FBXW7: variants seen among roughly 807,000 people sequenced by gnomAD.
The protein encoded by FBXW7 is F-box and WD repeat domain containing 7, also known as F-box/WD repeat-containing protein 7.
Under a neutral mutation model 86.3 loss-of-function variants are expected in FBXW7, and 11 were observed. The ratio of observed to expected loss-of-function variants is 0.13; its 90% CI spans 0.08 to 0.21. The LOEUF is 0.21. Ranked by LOEUF, FBXW7 falls within the 10% of genes least tolerant of loss-of-function variation. The probability of loss-of-function intolerance (pLI) is 1.00; values close to 1 mark genes in which losing one functional copy is unlikely to be tolerated. For synonymous variants in FBXW7, 313 were observed against 297.9 expected (o/e 1.05, Z -0.52); for missense variants, 488 against 847.4 (o/e 0.58, Z 5.27).
At position 152,387,658 on chromosome 4, in the gene FBXW7, A is replaced by C. The variant is rs183520782; in HGVS notation, c.501+23645T>G. Among the ~76,000 whole-genome samples, 35 of 150,728 alleles carry C rather than the reference A, an allele frequency of 2.3e-4. No individual in the cohort carries two copies. The East Asian group carries it at 6.8e-3, about 29-fold the overall frequency. On this transcript the variant is annotated intron_variant, in intron 4 of 13. Transcript: ENST00000281708. ...AAGCAACATATTACTTTAAATGCAG[A>C]AACATAAATACAATTAGATTGGGCA...
At chr4:152,382,165 A>G (rs755006477) in intron 4 of FBXW7, 7 of 1,496,708 alleles carry the variant, frequency 4.7e-6, no homozygotes, top group Non-Finnish European at 6.3e-6. Context: ...AAACATTCAT[A>G]TTTTTCAAAT....
intron 4 of FBXW7, among the ~76,000 whole-genome samples, chr4:152,403,638 C>T (rs1737143936): frequency 6.6e-6 from 1 of 152,098 alleles, no homozygotes; most frequent in South Asian, 2.1e-4. Flanking sequence ...ATTAGACTCT[C>T]GGAAGGAGCA....
intron 2 of FBXW7, among the ~76,000 whole-genome samples, chr4:152,479,033 T>C (rs1744651552): frequency 1.3e-5 from 2 of 152,064 alleles, no homozygotes; most frequent in South Asian, 4.1e-4. Flanking sequence ...AGCAGTAATC[T>C]AATAAACGAT....
chr4:152,427,464 G>C (rs940371452), intron 2 of FBXW7, among the ~76,000 whole-genome samples: 2 of 152,104 alleles, frequency 1.3e-5, no homozygotes, highest in Non-Finnish European at 2.9e-5. Flanking sequence ...AGATAACCTG[G>C]GAGTGTTAAG....
At chr4:152,495,703 C>G (rs1388354775) in intron 2 of FBXW7, among the ~76,000 whole-genome samples, 1 of 152,124 alleles carries the variant, frequency 6.6e-6, no homozygotes, top group South Asian at 2.1e-4. Flanking sequence ...CTACTCCATA[C>G]ATTAACACAC....
chr4:152,527,206 A>C (rs986000084), intron 2 of FBXW7, among the ~76,000 whole-genome samples: 2 of 152,256 alleles, frequency 1.3e-5, no homozygotes, highest in African/African-American at 4.8e-5. Flanking sequence ...AAGGATAATA[A>C]ATAGCTTGTC....
chr4:152,424,904 T>A (rs1189637792), intron 2 of FBXW7, among the ~76,000 whole-genome samples: 1 of 152,230 alleles, frequency 6.6e-6, no homozygotes, highest in Non-Finnish European at 1.5e-5. Flanking sequence ...GCTTTGCAGA[T>A]CACTGGCTCT....
At chr4:152,462,450 C>T (rs565295739) in intron 2 of FBXW7, among the ~76,000 whole-genome samples, 3 of 152,294 alleles carry the variant, frequency 2.0e-5, no homozygotes, top group African/African-American at 7.2e-5. Flanking sequence ...TGTATAGTTT[C>T]GTGATTAGCC....
intron 2 of FBXW7, among the ~76,000 whole-genome samples, chr4:152,532,661 C>T (rs1013254382): frequency 5.9e-5 from 9 of 152,178 alleles, no homozygotes; most frequent in South Asian, 2.1e-4. Flanking sequence ...TATATGTACA[C>T]GTCCAAAAGC....
At chr4:152,458,116 T>A (rs566481310) in intron 2 of FBXW7, among the ~76,000 whole-genome samples, 1 of 152,108 alleles carries the variant, frequency 6.6e-6, no homozygotes, top group Non-Finnish European at 1.5e-5. Flanking sequence ...GCCTCCCGGG[T>A]TCAAGAGATT....
At chr4:152,500,849 TTC>T (rs1746878185) in intron 2 of FBXW7, among the ~76,000 whole-genome samples, 1 of 152,222 alleles carries the variant, frequency 6.6e-6, no homozygotes, top group South Asian at 2.1e-4. Flanking sequence ...TAAATTGCAA[TTC>T]TGTTTCCTCA....
At chr4:152,521,520 A>G (rs1749009187) in intron 2 of FBXW7, among the ~76,000 whole-genome samples, 1 of 152,232 alleles carries the variant, frequency 6.6e-6, no homozygotes, top group South Asian at 2.1e-4. Context: ...GAACCACAAC[A>G]TACAGAAAAT....
chr4:152,482,693 G>C (rs1379652910), intron 2 of FBXW7, among the ~76,000 whole-genome samples: 4 of 152,056 alleles, frequency 2.6e-5, no homozygotes, highest in African/African-American at 4.8e-5. Context: ...AGAACAGGGT[G>C]GGGGGAGAGA....
chr4:152,521,294 TAGG>T (rs892520118), intron 2 of FBXW7, among the ~76,000 whole-genome samples: 1 of 152,082 alleles, frequency 6.6e-6, no homozygotes, highest in African/African-American at 2.4e-5. Flanking sequence ...ACACACTTCC[TAGG>T]AGATCAATAT....
chr4:152,329,386 A>G (rs1250431630), intron 10 of FBXW7, among the ~76,000 whole-genome samples: 1 of 151,982 alleles, frequency 6.6e-6, no homozygotes, highest in Non-Finnish European at 1.5e-5. Flanking sequence ...AATTGAGCCA[A>G]GAAAAACATA....
intron 4 of FBXW7, among the ~76,000 whole-genome samples, chr4:152,400,932 C>T (rs1448956347): frequency 2.6e-5 from 4 of 152,088 alleles, no homozygotes; most frequent in African/African-American, 9.7e-5. Flanking sequence ...GGGAAGTAAG[C>T]ACAGGAAAAG....
chr4:152,468,034 G>A (rs1743616446), intron 2 of FBXW7, among the ~76,000 whole-genome samples: 1 of 151,662 alleles, frequency 6.6e-6, no homozygotes, highest in African/African-American at 2.4e-5. Flanking sequence ...AAGATATATG[G>A]TCAATAAGCA....
chr4:152,475,373 G>C (rs765931924), intron 2 of FBXW7, among the ~76,000 whole-genome samples: 2 of 152,170 alleles, frequency 1.3e-5, no homozygotes, highest in Non-Finnish European at 2.9e-5. Flanking sequence ...GCTGCAGTGA[G>C]CTTTGATCAT....
intron 4 of FBXW7, among the ~76,000 whole-genome samples, chr4:152,403,579 A>AG (rs1401889200): frequency 6.6e-6 from 1 of 151,996 alleles, no homozygotes; most frequent in Non-Finnish European, 1.5e-5. Flanking sequence ...GGACAGGGGA[A>AG]GTGGGGGGAT....
Sources: allele counts gnomAD v4.1 joint callset (sites outside exome capture counted in the v4.1 genomes callset), GRCh38; gene constraint gnomAD v4.1.1; transcripts MANE v1.5; gene names NCBI Gene and HGNC (gene_info 2026-07-23, HGNC 2026-07-21).